Variants in FBXL7 observed in about 807,000 individuals in gnomAD.
FBXL7 encodes the protein F-box/LRR-repeat protein 7.
A neutral mutation model predicts 38.3 loss-of-function variants in FBXL7; 12 were observed. That is an observed-to-expected ratio of 0.31 (90% CI 0.20 to 0.51). The LOEUF is 0.51. Ranked by LOEUF, FBXL7 falls within the 20% of genes least tolerant of loss-of-function variation. The pLI is 0.98. For synonymous variants in FBXL7, 297 were observed against 300.9 expected (o/e 0.99, Z 0.13); for missense variants, 567 against 676.4 (o/e 0.84, Z 1.79).
At chr5:15,595,412 C>T (rs1009091128) in intron 1 of FBXL7, among the ~76,000 whole-genome samples, 1 of 152,086 alleles carries the variant, frequency 6.6e-6, no homozygotes, top group African/African-American at 2.4e-5. Flanking sequence ...CAGACCAGAT[C>T]GGCTGAGGTA....
intron 1 of FBXL7, among the ~76,000 whole-genome samples, chr5:15,528,181 G>A (rs1322397336): frequency 6.6e-6 from 1 of 152,042 alleles, no homozygotes; most frequent in Non-Finnish European, 1.5e-5. Context: ...GAAGAGTATC[G>A]GGGACCCTCC....
chr5:15,914,012 A>G (rs531808936), intron 2 of FBXL7, among the ~76,000 whole-genome samples: 345 of 152,342 alleles, frequency 2.3e-3, no homozygotes, highest in Non-Finnish European at 3.1e-3. Context: ...AACAGTAGAG[A>G]TCTTAAAATT....
intron 2 of FBXL7, among the ~76,000 whole-genome samples, chr5:15,684,657 G>A (rs902799096): frequency 1.3e-5 from 2 of 152,172 alleles, no homozygotes; most frequent in African/African-American, 4.8e-5. Flanking sequence ...AAGGAGAAGA[G>A]TCAGAGTCAG....
chr5:15,649,934 T>C (rs948763268), intron 2 of FBXL7, among the ~76,000 whole-genome samples: 1 of 152,230 alleles, frequency 6.6e-6, no homozygotes, highest in Non-Finnish European at 1.5e-5. Flanking sequence ...TATCTAAATG[T>C]AGTAATGTTT....
chr5:15,716,684 TC>T (rs1293417910), intron 2 of FBXL7, among the ~76,000 whole-genome samples: 7 of 152,216 alleles, frequency 4.6e-5, no homozygotes, highest in Non-Finnish European at 1.0e-4. Context: ...AAATTACAGA[TC>T]CTTATATTCA....
intron 2 of FBXL7, among the ~76,000 whole-genome samples, chr5:15,688,208 A>G (rs1208603458): frequency 6.6e-6 from 1 of 152,214 alleles, no homozygotes. Flanking sequence ...TTAGGATACT[A>G]AAGGGGACAC....
intron 2 of FBXL7, among the ~76,000 whole-genome samples, chr5:15,914,182 C>T (rs150739865): frequency 4.6e-5 from 7 of 151,876 alleles, no homozygotes; most frequent in Non-Finnish European, 8.8e-5. Flanking sequence ...GTCAGGTGAT[C>T]GAGACCATCC....
At chr5:15,572,639 A>G (rs1738829115) in intron 1 of FBXL7, among the ~76,000 whole-genome samples, 9 of 152,144 alleles carry the variant, frequency 5.9e-5, no homozygotes, top group Admixed American at 5.2e-4. Context: ...ATTTAGAGCC[A>G]TGGCTCCAGT....
intron 2 of FBXL7, among the ~76,000 whole-genome samples, chr5:15,797,391 C>T (rs1481667023): frequency 6.6e-6 from 1 of 152,222 alleles, no homozygotes; most frequent in Non-Finnish European, 1.5e-5. Flanking sequence ...TTTGAAAGTG[C>T]TTGGCTTCAG....
Position 15,937,398 on chromosome 5 carries a change from A to G in FBXL7, c.*212A>G, listed in dbSNP as rs1579618689. On this transcript the variant is annotated 3_prime_UTR_variant, in exon 4 of 4. Transcript: ENST00000504595. Reference sequence around the variant, plus strand: ...CAAACAGCAAACAGGCATTTTGGTCAGGTCATTTGTAGGCAGTTTCTCTTC... The same window carrying G: ...CAAACAGCAAACAGGCATTTTGGTCGGGTCATTTGTAGGCAGTTTCTCTTC... 7 of 609,004 alleles carry G rather than the reference A, an allele frequency of 1.1e-5. No homozygotes were observed. The East Asian group carries it at 1.7e-4, about 15-fold the overall frequency. The allele number at this position is 609,004 out of a possible 1,614,324, so 37.7% of individuals were successfully genotyped here. A position where few individuals can be genotyped will look rare whatever the true frequency, so the allele number is the denominator to read the frequency against.
rs765407331 is a variant in FBXL7, at chr5:15,928,366, C to A, written c.604C>A (p.Arg202=). 6.2e-7 allele frequency: 1 copy of A among 1,613,998 alleles called. No homozygotes were observed. The highest frequency in any genetic ancestry group is 1.1e-5 in the South Asian group (1 of 91,074). ...CAGTGGCTGCAGGCGGCTCACAGAC[C>A]GAGGGCTGTACACCATCGCCCAGTG... ...TVSGCRRLTD[R]GLYTIAQCCP... The change falls in exon 3 of 4, where the codon CGA becomes AGA. Residue 202 remains arginine (R), a synonymous_variant. Coordinates refer to ENST00000504595, the MANE Select transcript of FBXL7 (RefSeq NM_012304.5). The surrounding 1 kb of genome is among the most constrained non-coding windows in gnomAD (Gnocchi z 4.0).
chr5:15,703,457 A>G (rs1027408651), intron 2 of FBXL7, among the ~76,000 whole-genome samples: 4 of 152,230 alleles, frequency 2.6e-5, no homozygotes, highest in Non-Finnish European at 5.9e-5. Flanking sequence ...CATAAAATTA[A>G]GATCATTTAA....
chr5:15,785,667 G>GAA (rs988216630), intron 2 of FBXL7, among the ~76,000 whole-genome samples: 2 of 152,202 alleles, frequency 1.3e-5, no homozygotes, highest in African/African-American at 4.8e-5. Context: ...TAAATAAGAT[G>GAA]AAAAGCAGTG....
At chr5:15,700,561 A>G (rs746067791) in intron 2 of FBXL7, among the ~76,000 whole-genome samples, 16 of 152,292 alleles carry the variant, frequency 1.1e-4, no homozygotes, top group Non-Finnish European at 2.2e-4. Flanking sequence ...TGTCTTACAA[A>G]CTATAGCTTT....
intron 2 of FBXL7, among the ~76,000 whole-genome samples, chr5:15,654,260 G>A (rs957566031): frequency 2.6e-5 from 4 of 152,124 alleles, no homozygotes; most frequent in African/African-American, 4.8e-5. Flanking sequence ...GCAACTGATG[G>A]AATAGCTACC....
At chr5:15,660,445 C>T (rs1580441129) in intron 2 of FBXL7, among the ~76,000 whole-genome samples, 1 of 152,212 alleles carries the variant, frequency 6.6e-6, no homozygotes, top group Admixed American at 6.5e-5. Context: ...CAACCTTCAC[C>T]TCCTAGGTTC....
intron 2 of FBXL7, among the ~76,000 whole-genome samples, chr5:15,847,655 A>T (rs1254518069): frequency 6.6e-6 from 1 of 152,186 alleles, no homozygotes; most frequent in Admixed American, 6.5e-5. Flanking sequence ...GACCTTGCAG[A>T]TATCAGAAAG....
intron 2 of FBXL7, among the ~76,000 whole-genome samples, chr5:15,844,334 G>C (rs1738833851): frequency 6.6e-6 from 1 of 152,164 alleles, no homozygotes; most frequent in Non-Finnish European, 1.5e-5. Context: ...TCTTTCCAGA[G>C]ATGCCCCCCG....
At chr5:15,853,549 T>A (rs1275164485) in intron 2 of FBXL7, among the ~76,000 whole-genome samples, 1 of 152,034 alleles carries the variant, frequency 6.6e-6, no homozygotes, top group Non-Finnish European at 1.5e-5. Context: ...TGGACAAGCA[T>A]CCTTGTGATA....
Sources: allele counts gnomAD v4.1 joint callset (sites outside exome capture counted in the v4.1 genomes callset), GRCh38; gene constraint gnomAD v4.1.1; non-coding constraint Gnocchi (gnomAD v3.1); transcripts MANE v1.5; gene names NCBI Gene and HGNC (gene_info 2026-07-23, HGNC 2026-07-21).